The following DLGAP1 variants were observed in gnomAD, a reference collection of about 807,000 sequenced individuals.
DLGAP1 encodes DLG associated protein 1, also known as disks large-associated protein 1.
A neutral mutation model predicts 90.8 loss-of-function variants in DLGAP1; 11 were observed. That is an observed-to-expected ratio of 0.12 (90% CI 0.08 to 0.20). The LOEUF (loss-of-function observed/expected upper bound fraction) is 0.20. Ranked by LOEUF, DLGAP1 falls within the 10% of genes least tolerant of loss-of-function variation. The probability of loss-of-function intolerance (pLI) is 1.00; values close to 1 mark genes in which losing one functional copy is unlikely to be tolerated. For synonymous variants in DLGAP1, 558 were observed against 540.7 expected (o/e 1.03, Z -0.44); for missense variants, 1,050 against 1,333.8 (o/e 0.79, Z 3.31).
intron 10 of DLGAP1, among the ~76,000 whole-genome samples, chr18:3,511,551 C>T (rs1388207650): frequency 4.7e-5 from 7 of 148,372 alleles, no homozygotes; most frequent in Non-Finnish European, 8.9e-5. Flanking sequence ...CCAACCTTCA[C>T]GGTGGAAAAA....
chr18:3,900,198 C>T (rs2071750997), intron 3 of DLGAP1, among the ~76,000 whole-genome samples: 1 of 152,050 alleles, frequency 6.6e-6, no homozygotes, highest in African/African-American at 2.4e-5. Flanking sequence ...AATAATTGAA[C>T]AGGGGATGTG....
At chr18:3,862,039 T>C (rs368350653) in intron 4 of DLGAP1, among the ~76,000 whole-genome samples, 3 of 152,222 alleles carry the variant, frequency 2.0e-5, no homozygotes, top group Non-Finnish European at 2.9e-5. Context: ...TCAATGTGCA[T>C]TGGAAAGGTT....
chr18:3,938,924 GA>G (rs1340742950), intron 3 of DLGAP1, among the ~76,000 whole-genome samples: 11 of 152,286 alleles, frequency 7.2e-5, no homozygotes, highest in African/African-American at 2.6e-4. Context: ...CTAGAAAAGG[GA>G]CAGCGAAGGT....
chr18:3,715,270 C>A (rs1266462911), intron 7 of DLGAP1, among the ~76,000 whole-genome samples: 1 of 152,156 alleles, frequency 6.6e-6, no homozygotes, highest in African/African-American at 2.4e-5. Context: ...TGCCTTTGAG[C>A]TCTCTCTGGA....
intron 7 of DLGAP1, among the ~76,000 whole-genome samples, chr18:3,705,359 TCTGTATACCTC>T (rs932706870): frequency 1.1e-4 from 16 of 151,860 alleles, no homozygotes; most frequent in African/African-American, 3.9e-4. Context: ...TTTGCTTTGC[TCTGTATACCTC>T]CTTGTCAACA....
intron 1 of DLGAP1, among the ~76,000 whole-genome samples, chr18:4,155,373 T>C (rs553252818): frequency 6.6e-6 from 1 of 152,300 alleles, no homozygotes; most frequent in South Asian, 2.1e-4. Flanking sequence ...ACCATGCTTA[T>C]ATGTGGATTT....
intron 7 of DLGAP1, among the ~76,000 whole-genome samples, chr18:3,609,884 C>G (rs200573094): frequency 7.3e-6 from 1 of 136,572 alleles, no homozygotes; most frequent in Non-Finnish European, 1.6e-5. Flanking sequence ...ACGGTGAAAC[C>G]CTGTCTCTAC....
At chr18:4,011,040 G>A (rs1318752672) in intron 2 of DLGAP1, among the ~76,000 whole-genome samples, 3 of 152,006 alleles carry the variant, frequency 2.0e-5, no homozygotes, top group African/African-American at 7.2e-5. Flanking sequence ...GCCGGTCGTG[G>A]TAATGTGCCC....
chr18:4,275,962 C>T (rs2079402761), intron 1 of DLGAP1, among the ~76,000 whole-genome samples: 1 of 151,728 alleles, frequency 6.6e-6, no homozygotes, highest in Non-Finnish European at 1.5e-5. Context: ...GAACTACAAG[C>T]AGGAGTTTAC....
intron 5 of DLGAP1, among the ~76,000 whole-genome samples, chr18:3,813,021 A>C (rs2066919695): frequency 6.6e-6 from 1 of 152,184 alleles, no homozygotes; most frequent in African/African-American, 2.4e-5. Flanking sequence ...CAAGACTCTA[A>C]AGAATTTACT....
At chr18:4,139,275 T>G (rs1176995849) in intron 2 of DLGAP1, among the ~76,000 whole-genome samples, 1 of 152,008 alleles carries the variant, frequency 6.6e-6, no homozygotes, top group African/African-American at 2.4e-5. Flanking sequence ...AACTTTCCTT[T>G]TAGCGCTGCT....
chr18:4,292,449 T>C (rs11877605), intron 1 of DLGAP1, among the ~76,000 whole-genome samples: 37,181 of 151,948 alleles, frequency 0.24, 4,712 homozygotes, highest in Non-Finnish European at 0.26. Flanking sequence ...TAGCAAATTT[T>C]TTATGTAGTA....
rs139378507 is a variant in DLGAP1, at chr18:3,677,318, C to T, written c.1591+51817G>A. On this transcript the variant is annotated intron_variant, in intron 7 of 12. Transcript: ENST00000315677. ...TCTGCCATAGGGCCATTTGTGAACA[C>T]TAGCCTGGCTCCATTTTGCCCCAGT... 9.7e-4 allele frequency among the ~76,000 whole-genome samples: 148 copies of T among 152,360 alleles called. 1 individual carries two copies. The highest frequency in any genetic ancestry group is 1.6e-3 in the Non-Finnish European group (106 of 68,038).
At chr18:3,637,522 C>G (rs890662938) in intron 7 of DLGAP1, among the ~76,000 whole-genome samples, 4 of 149,954 alleles carry the variant, frequency 2.7e-5, no homozygotes, top group Non-Finnish European at 5.9e-5. Context: ...TTGCCTGAGC[C>G]CAGGAGTTCA....
rs114020429 is a variant in DLGAP1 at position 4,152,968 on chromosome 18, T to C, written c.-266-1681A>G. ...ATATATAGAACTGATCATTTATCCG[T>C]TCATGACTATTTATTGAGAATTTAT... On this transcript the variant is annotated intron_variant, in intron 1 of 12. Transcript: ENST00000315677. Among the ~76,000 whole-genome samples the C allele has an allele frequency of 9.2e-3, 1,405 of 152,310 alleles. 21 individuals are homozygous for C. Among genetic ancestry groups the C allele is most frequent in the African/African-American group, 0.032 (1,324 of 41,550 alleles).
chr18:4,065,230 T>G (rs2075354267), intron 2 of DLGAP1, among the ~76,000 whole-genome samples: 1 of 152,160 alleles, frequency 6.6e-6, no homozygotes, highest in Non-Finnish European at 1.5e-5. Context: ...TTATACTGAA[T>G]GGGCAAAATC....
chr18:4,257,603 T>C (rs1420693820), intron 1 of DLGAP1, among the ~76,000 whole-genome samples: 1 of 152,068 alleles, frequency 6.6e-6, no homozygotes, highest in Non-Finnish European at 1.5e-5. Flanking sequence ...TTTTAACAAA[T>C]TCATTTTTTT....
At position 3,840,700 on chromosome 18, in the gene DLGAP1, C is replaced by T. The variant is rs139369588; in HGVS notation, c.958-26427G>A. On this transcript the variant is annotated intron_variant, in intron 4 of 12. Coordinates refer to ENST00000315677, the MANE Select transcript of DLGAP1 (RefSeq NM_004746.4). ...CACCCACACTAACACCATTGTTAAT[C>T]GAGTACTTACTCTGTGCCAGGCATT... Among the ~76,000 whole-genome samples, 407 of 152,286 alleles carry T rather than the reference C, an allele frequency of 2.7e-3. 1 individual carries two copies. Among genetic ancestry groups the T allele is most frequent in the Middle Eastern group, 0.017 (5 of 294 alleles).
intron 9 of DLGAP1, among the ~76,000 whole-genome samples, chr18:3,551,176 T>TATATATATATATATATATAC (rs1478108279): frequency 2.4e-4 from 1 of 4,138 alleles, no homozygotes; most frequent in African/African-American, 3.2e-4. Context: ...TATATATATA[T>TATATATATATATATATATAC]ACACATACAT....
Sources: gnomAD v4.1 joint callset for allele counts (sites outside exome capture counted in the v4.1 genomes callset) on GRCh38, gnomAD v4.1.1 for gene constraint, MANE v1.5 for transcripts, NCBI Gene and HGNC (gene_info 2026-07-23, HGNC 2026-07-21) for gene names.